SLC22A23: variants seen among roughly 807,000 people sequenced by gnomAD.
SLC22A23 encodes ion transporter protein.
SLC22A23 carries 26 observed loss-of-function variants against 61.0 expected under a neutral mutation model. The ratio of observed to expected loss-of-function variants is 0.43; its 90% confidence interval spans 0.31 to 0.59. SLC22A23 has a LOEUF of 0.59. SLC22A23 is among the 20% of genes least tolerant of loss of function. SLC22A23 has a pLI of 0.11. For missense variants in SLC22A23, 796 were observed against 934.7 expected, an observed-to-expected ratio of 0.85 and a Z score of 1.94; for synonymous variants, 430 against 413.9, an observed-to-expected ratio of 1.04 and a Z score of -0.47.
At chr6:3,453,044 G>A (rs2127560602) in intron 1 of SLC22A23, among the ~76,000 whole-genome samples, 1 of 152,288 alleles carries the variant, frequency 6.6e-6, no homozygotes, top group East Asian at 1.9e-4. Context: ...GTAGGGGAAG[G>A]ACAGTATCCA....
intron 5 of SLC22A23, 118 bp from the exon 6 acceptor site, chr6:3,289,984 T>A: frequency 3.7e-6 from 1 of 271,904 alleles, no homozygotes; most frequent in Non-Finnish European, 5.8e-6. Flanking sequence ...AGAGAAGCTT[T>A]TTTTTTTTTT....
At chr6:3,408,386 G>A (rs1417817966) in intron 3 of SLC22A23, among the ~76,000 whole-genome samples, 1 of 152,236 alleles carries the variant, frequency 6.6e-6, no homozygotes, top group East Asian at 1.9e-4. Context: ...ATGTCACAGT[G>A]CAAGTCAGTA....
rs1051697145 is a variant in SLC22A23, at chr6:3,387,081, A to G, written c.913+23107T>C. Among the ~76,000 whole-genome samples, 3 of 152,260 alleles carry G rather than the reference A, an allele frequency of 2.0e-5. No homozygotes were observed. Among genetic ancestry groups the G allele is most frequent in the Admixed American group, 6.5e-5 (1 of 15,284 alleles). ...ACAGCTTTTTGAGGAGTGAGGAGGT[A>G]AACAGCAGTGTACCTAGCCACATGG... On this transcript the variant is annotated intron_variant, in intron 3 of 9. Transcript: ENST00000406686. The surrounding 1 kb of genome is among the most constrained non-coding windows in gnomAD (Gnocchi z 5.0).
At position 3,307,653 on chromosome 6, in the gene SLC22A23, C is replaced by T. The variant is rs189080923; in HGVS notation, c.1083-9435G>A. 3.3e-3 allele frequency among the ~76,000 whole-genome samples: 508 copies of T among 152,336 alleles called. 3 individuals carry two copies. The highest frequency in any genetic ancestry group is 0.012 in the African/African-American group (481 of 41,578). On this transcript the variant is annotated intron_variant, in intron 4 of 9. Transcript: ENST00000406686. ...CGAGAGCTGCTCAGGAACCACACCACGGTAGGTGCATGCTGAGCACCTGCT... is the reference window on the plus strand; with the variant it reads ...CGAGAGCTGCTCAGGAACCACACCATGGTAGGTGCATGCTGAGCACCTGCT...
intron 1 of SLC22A23, among the ~76,000 whole-genome samples, chr6:3,455,478 T>C (rs997153015): frequency 2.6e-5 from 4 of 152,218 alleles, no homozygotes; most frequent in Non-Finnish European, 5.9e-5. Context: ...TAGTAGGCTT[T>C]ACCTGTGTCA....
chr6:3,392,141 A>G (rs1030405496), intron 3 of SLC22A23, among the ~76,000 whole-genome samples: 1 of 152,140 alleles, frequency 6.6e-6, no homozygotes, highest in African/African-American at 2.4e-5. Context: ...CACCCTTGCA[A>G]TTGGGTGTGG....
intron 3 of SLC22A23, among the ~76,000 whole-genome samples, chr6:3,383,825 T>C (rs1767111592): frequency 1.3e-5 from 2 of 152,268 alleles, no homozygotes; most frequent in South Asian, 2.1e-4. Flanking sequence ...GAGGTCCTAC[T>C]ATGCGCCTGA....
intron 3 of SLC22A23, among the ~76,000 whole-genome samples, chr6:3,347,815 G>C (rs1764528895): frequency 6.6e-6 from 1 of 152,124 alleles, no homozygotes; most frequent in Non-Finnish European, 1.5e-5. Context: ...CTGAGTCTTT[G>C]GCTTGGCATA....
Position 3,390,774 on chromosome 6 carries a change from A to C in SLC22A23, c.913+19414T>G, listed in dbSNP as rs1561946231. ...CTAAACATCATCACTGAACATTTAT[A>C]TTCTAAACATCAGTCTCAGGCCCTA... On this transcript the variant is annotated intron_variant, in intron 3 of 9. Transcript: ENST00000406686. The surrounding 1 kb of genome is among the most constrained non-coding windows in gnomAD (Gnocchi z 4.0). 6.6e-6 allele frequency among the ~76,000 whole-genome samples: 1 copy of C among 152,302 alleles called. No homozygotes were observed. Among genetic ancestry groups the C allele is most frequent in the South Asian group, 2.1e-4 (1 of 4,816 alleles).
At chr6:3,434,333 G>A (rs1771064501) in intron 1 of SLC22A23, among the ~76,000 whole-genome samples, 1 of 151,136 alleles carries the variant, frequency 6.6e-6, no homozygotes, top group African/African-American at 2.4e-5. Flanking sequence ...AATAAATAAA[G>A]AGCTGGGTGC....
In SLC22A23 at chr6:3,418,511, C is replaced by T. The variant is rs115191714; in HGVS notation, c.655-2656G>A. 7.4e-3 allele frequency among the ~76,000 whole-genome samples: 1,130 copies of T among 152,298 alleles called. 9 individuals are homozygous for T. The highest frequency in any genetic ancestry group is 0.013 in the Non-Finnish European group (901 of 68,026). On this transcript the variant is annotated intron_variant, in intron 1 of 9. Transcript: ENST00000406686. ...AAGACATTCAGTGATCAGCCCTATC[C>T]ATTAACAGTGCCACAGTGGAAAATG...
intron 3 of SLC22A23, among the ~76,000 whole-genome samples, chr6:3,340,027 T>C (rs985894919): frequency 2.0e-5 from 3 of 151,968 alleles, no homozygotes; most frequent in Non-Finnish European, 4.4e-5. Flanking sequence ...CATATGAAAT[T>C]AAAAATGTGT....
In SLC22A23 at chr6:3,394,804, G is replaced by A. The variant is rs143302770; in HGVS notation, c.913+15384C>T. Among the ~76,000 whole-genome samples the A allele has an allele frequency of 1.4e-3, 209 of 152,324 alleles. 2 individuals carry two copies. The highest frequency in any genetic ancestry group is 3.6e-3 in the African/African-American group (148 of 41,578). On this transcript the variant is annotated intron_variant, in intron 3 of 9. Transcript: ENST00000406686. ...CCCACATGATAGTCCCATGTCCTCT[G>A]TGGAGAGTCACATCCTGTCTGGCCA...
In SLC22A23 at chr6:3,290,321, A is replaced by C. The variant is rs569014613; in HGVS notation, c.1211-455T>G. Reference sequence around the variant, plus strand: ...TGTCACCCCCGGCTCGGAGACTGGGAAGGCCACATGCAGATATGCTTCTTA... The same window carrying C: ...TGTCACCCCCGGCTCGGAGACTGGGCAGGCCACATGCAGATATGCTTCTTA... On this transcript the variant is annotated intron_variant, in intron 5 of 9. Transcript: ENST00000406686. 4 of 224,850 alleles carry C rather than the reference A, an allele frequency of 1.8e-5. No individual in the cohort carries two copies. The South Asian group carries it at 2.4e-4, about 14-fold the overall frequency. 13.9% of individuals were successfully genotyped at this position (224,850 alleles called of 1,614,324 possible).
At chr6:3,445,175 A>G (rs1450594153) in intron 1 of SLC22A23, among the ~76,000 whole-genome samples, 1 of 151,746 alleles carries the variant, frequency 6.6e-6, no homozygotes, top group Admixed American at 6.6e-5. Flanking sequence ...TGGGGCTGCA[A>G]GCCAGGCCTG....
chr6:3,448,583 T>G (rs996529086), intron 1 of SLC22A23, among the ~76,000 whole-genome samples: 4 of 152,048 alleles, frequency 2.6e-5, no homozygotes, highest in Admixed American at 6.5e-5. Context: ...AAGCTCCGCC[T>G]CCCGAGTTCA....
intron 3 of SLC22A23, among the ~76,000 whole-genome samples, chr6:3,406,748 T>C (rs1232185934): frequency 2.6e-5 from 4 of 152,184 alleles, no homozygotes; most frequent in Non-Finnish European, 5.9e-5. Flanking sequence ...AAGATGCCAG[T>C]AATCTCTATT....
chr6:3,302,464 TCTA>T (rs1761682563), intron 4 of SLC22A23, among the ~76,000 whole-genome samples: 1 of 152,202 alleles, frequency 6.6e-6, no homozygotes, highest in Non-Finnish European at 1.5e-5. Flanking sequence ...TTTCTTTCCT[TCTA>T]CTACTTTTAA....
intron 4 of SLC22A23, among the ~76,000 whole-genome samples, chr6:3,300,464 T>C (rs1761519785): frequency 6.6e-6 from 1 of 152,154 alleles, no homozygotes; most frequent in Non-Finnish European, 1.5e-5. Flanking sequence ...AACGGGAGGC[T>C]GAAGAGAGGT....
Sources: allele counts gnomAD v4.1 joint callset (sites outside exome capture counted in the v4.1 genomes callset), GRCh38; gene constraint gnomAD v4.1.1; non-coding constraint Gnocchi (gnomAD v3.1); transcripts MANE v1.5; gene names NCBI Gene and HGNC (gene_info 2026-07-23, HGNC 2026-07-21).